The following TANC2 variants were observed in gnomAD, a reference collection of about 807,000 sequenced individuals.
TANC2 encodes protein TANC2.
TANC2 carries 26 observed loss-of-function variants against 210.5 expected under a neutral mutation model. The observed-to-expected ratio is 0.12, with a 90% CI of 0.09 to 0.17. The LOEUF (loss-of-function observed/expected upper bound fraction) is 0.17. TANC2 is among the 10% of genes least tolerant of loss of function. TANC2 has a pLI of 1.00. For synonymous variants in TANC2, 931 were observed against 967.1 expected, an observed-to-expected ratio of 0.96 and a Z score of 0.69; for missense variants, 2,129 against 2,608.9, an observed-to-expected ratio of 0.82 and a Z score of 4.01.
intron 5 of TANC2, among the ~76,000 whole-genome samples, chr17:63,155,690 A>C (rs2039810596): frequency 6.6e-6 from 1 of 152,196 alleles, no homozygotes; most frequent in Non-Finnish European, 1.5e-5. Context: ...GGATTCTTTT[A>C]AATCTCTTAA....
intron 8 of TANC2, among the ~76,000 whole-genome samples, chr17:63,255,358 C>T (rs1358254446): frequency 5.3e-5 from 8 of 152,126 alleles, no homozygotes; most frequent in Admixed American, 5.2e-4. Context: ...TCCCAAAGTG[C>T]TGGGATTACA....
intron 7 of TANC2, among the ~76,000 whole-genome samples, chr17:63,211,902 T>G (rs149299746): frequency 2.0e-5 from 3 of 152,200 alleles, no homozygotes; most frequent in Non-Finnish European, 4.4e-5. Flanking sequence ...TATTATACTT[T>G]AAGTTCTAGG....
chr17:63,427,304 G>A (rs1222714919), exon 28 of TANC2: 1 of 152,388 alleles, frequency 6.6e-6, no homozygotes, highest in East Asian at 1.9e-4. Context: ...CCTCTTTGCT[G>A]TCCTTTCAAG....
intron 12 of TANC2, among the ~76,000 whole-genome samples, chr17:63,346,467 AC>A (rs1041847647): frequency 2.0e-5 from 3 of 152,214 alleles, no homozygotes; most frequent in African/African-American, 7.2e-5. Context: ...AAAAGAAGAT[AC>A]GTCAACAGCC....
intron 1 of TANC2, among the ~76,000 whole-genome samples, chr17:62,989,764 A>G (rs1364418976): frequency 2.1e-5 from 3 of 141,604 alleles, no homozygotes; most frequent in Non-Finnish European, 4.6e-5. Flanking sequence ...TAAAAAACAC[A>G]TGCTTTTTTT....
At chr17:63,160,852 C>T (rs1188870324) in intron 5 of TANC2, among the ~76,000 whole-genome samples, 5 of 152,130 alleles carry the variant, frequency 3.3e-5, no homozygotes, top group African/African-American at 9.7e-5. Context: ...GTGTTTGTCT[C>T]TTCACATGTC....
intron 4 of TANC2, among the ~76,000 whole-genome samples, chr17:63,126,981 A>C (rs2038734526): frequency 6.6e-6 from 1 of 152,180 alleles, no homozygotes; most frequent in Non-Finnish European, 1.5e-5. Flanking sequence ...GGTACTGCTG[A>C]TATATAAGGT....
At chr17:63,242,411 A>G (rs2042798725) in intron 8 of TANC2, among the ~76,000 whole-genome samples, 1 of 151,874 alleles carries the variant, frequency 6.6e-6, no homozygotes, top group African/African-American at 2.4e-5. Flanking sequence ...AAACATTATA[A>G]TATCTGTATG....
At chr17:63,231,537 T>G (rs761668895) in intron 7 of TANC2, among the ~76,000 whole-genome samples, 1 of 152,236 alleles carries the variant, frequency 6.6e-6, no homozygotes, top group African/African-American at 2.4e-5. Flanking sequence ...TGGCCACATA[T>G]GAACTTCTGG....
chr17:63,097,397 T>C (rs181975211), intron 3 of TANC2, among the ~76,000 whole-genome samples: 173 of 152,140 alleles, frequency 1.1e-3, no homozygotes, highest in Non-Finnish European at 1.7e-3. Context: ...GAGTTGAAGT[T>C]GTTCTTTATA....
Position 63,123,910 on chromosome 17 carries a change from C to T in TANC2, c.322+24553C>T, listed in dbSNP as rs756618989. On this transcript the variant is annotated intron_variant, in intron 4 of 27. Transcript: ENST00000689528. ...TAGAGATGGGGTTTCACCATCTTGG[C>T]CAGGCTGGTCTTGAATGTCTGACCT... is the stretch of plus-strand genomic sequence containing the variant. Among the ~76,000 whole-genome samples, 26 of 151,992 alleles carry T rather than the reference C, an allele frequency of 1.7e-4. No homozygotes were observed. The Middle Eastern group carries it at 0.017, about 100-fold the overall frequency.
intron 12 of TANC2, among the ~76,000 whole-genome samples, chr17:63,349,128 T>A (rs1002356196): frequency 6.6e-6 from 1 of 151,928 alleles, no homozygotes; most frequent in African/African-American, 2.4e-5. Flanking sequence ...CAAAAAAAAA[T>A]AATAATCAGA....
At chr17:63,082,052 TCCCAGCTA>T (rs2036795643) in intron 3 of TANC2, among the ~76,000 whole-genome samples, 1 of 151,848 alleles carries the variant, frequency 6.6e-6, no homozygotes. Context: ...GCGCCTGTAG[TCCCAGCTA>T]CTTGGGAGGC....
chr17:62,978,551 A>G (rs1423224675), intron 1 of TANC2: 1 of 152,256 alleles, frequency 6.6e-6, no homozygotes, highest in African/African-American at 2.4e-5. Flanking sequence ...TAGTATGTTG[A>G]CAGTATGGAC....
chr17:63,185,025 C>T (rs985240645), intron 5 of TANC2, among the ~76,000 whole-genome samples: 1 of 150,418 alleles, frequency 6.6e-6, no homozygotes, highest in Non-Finnish European at 1.5e-5. Context: ...GACAGGGTCT[C>T]ACTCTGTCAC....
intron 5 of TANC2, among the ~76,000 whole-genome samples, chr17:63,191,078 C>T (rs890620078): frequency 2.6e-5 from 4 of 151,454 alleles, no homozygotes; most frequent in Non-Finnish European, 5.9e-5. Context: ...GAGGTTTTAT[C>T]GTAGCAGTTA....
intron 17 of TANC2, 95 bp downstream of exon 17, chr17:63,389,639 T>A: frequency 1.6e-6 from 2 of 1,220,460 alleles, no homozygotes; most frequent in Non-Finnish European, 2.3e-6. Context: ...TGAGTCTGGG[T>A]AGAGTATATC....
In TANC2 at chr17:63,418,490, A is replaced by G. The variant is rs2048933331; in HGVS notation, c.4268+83A>G. The G allele has an allele frequency of 2.5e-6, 3 of 1,180,436 alleles. No individual in the cohort carries two copies. Among genetic ancestry groups the G allele is most frequent in the Non-Finnish European group, 3.6e-6 (3 of 824,148 alleles). 73.1% of individuals were successfully genotyped at this position (1,180,436 alleles called of 1,614,324 possible). On this transcript the variant is annotated intron_variant, in intron 27 of 27. Transcript: ENST00000689528. The surrounding 1 kb of genome is among the most constrained non-coding windows in gnomAD (Gnocchi z 4.6). ...GGCAGCGTCGGCCACCCTGGGGCAT[A>G]TGTACCCAAATACATCTCTGTCCTT...
chr17:63,032,557 T>C (rs2034814724), intron 2 of TANC2, among the ~76,000 whole-genome samples: 1 of 152,084 alleles, frequency 6.6e-6, no homozygotes, highest in Non-Finnish European at 1.5e-5. Context: ...GGTGGTGGTA[T>C]GGAGAAAAGA....
Sources: allele counts gnomAD v4.1 joint callset (sites outside exome capture counted in the v4.1 genomes callset), GRCh38; gene constraint gnomAD v4.1.1; non-coding constraint Gnocchi (gnomAD v3.1); transcripts MANE v1.5; gene names NCBI Gene and HGNC (gene_info 2026-07-23, HGNC 2026-07-21).